The following ATM variants were observed in gnomAD, a reference collection of about 807,000 sequenced individuals.
ATM encodes the protein serine-protein kinase ATM.
Under a neutral mutation model 387.0 loss-of-function variants are expected in ATM, and 308 were observed. The ratio of observed to expected loss-of-function variants is 0.80; its 90% confidence interval spans 0.73 to 0.87. The LOEUF (loss-of-function observed/expected upper bound fraction) is 0.87. Among genes scored for constraint, ATM ranks in the 40% least tolerant of loss-of-function variants. The pLI is 0.00. For synonymous variants in ATM, 1,156 were observed against 1,187.3 expected (o/e 0.97, Z 0.54); for missense variants, 3,312 against 3,560.9 (o/e 0.93, Z 1.78).
At chr11:108,348,517 T>G (rs2088772063) in intron 59 of ATM, among the ~76,000 whole-genome samples, 1 of 151,740 alleles carries the variant, frequency 6.6e-6, no homozygotes, top group Non-Finnish European at 1.5e-5. Context: ...CTCATTATTT[T>G]GAAGTATTAA....
In ATM at chr11:108,284,264, A is replaced by G. The variant is rs1591645509; in HGVS notation, c.3784A>G (p.Arg1262Gly). Residue 1262 changes from arginine to glycine, a missense_variant, in exon 26 of 63, where the codon AGA becomes GGA. By Grantham distance (125) the Arg-to-Gly change is moderately radical (BLOSUM62 -2). Around this residue, in one of 4 missense-constraint regions of ATM, gnomAD observed 1,791 missense variants for 1,804.5 expected, o/e 0.99. Coordinates refer to ENST00000675843, the MANE Select transcript of ATM (RefSeq NM_000051.4). Reference protein sequence around the residue: ...YKVLIPHLVIRSHFDEVKSIA... With the variant: ...YKVLIPHLVIGSHFDEVKSIA... Reference sequence around the variant, plus strand: ...GGTTTTGATTCCACATCTGGTGATTAGAAGTCATTTTGATGAGGTGAAGTC... The same window carrying G: ...GGTTTTGATTCCACATCTGGTGATTGGAAGTCATTTTGATGAGGTGAAGTC... 3 of 1,612,710 alleles carry G rather than the reference A, an allele frequency of 1.9e-6. No individual in the cohort carries two copies. The highest frequency in any genetic ancestry group is 2.5e-6 in the Non-Finnish European group (3 of 1,178,812).
chr11:108,364,977 A>T (rs1043655559), intron 61 of ATM, 105 bp from the exon 62 acceptor site: 1 of 1,326,552 alleles, frequency 7.5e-7, no homozygotes, highest in African/African-American at 1.5e-5. Context: ...CTCCCCCATC[A>T]ACTACCATGT....
chr11:108,251,097 G>T, intron 10 of ATM, 25 bp downstream of exon 10: 1 of 1,613,284 alleles, frequency 6.2e-7, no homozygotes, highest in South Asian at 1.1e-5. Context: ...CATTATGTCT[G>T]ACTTACAGAT....
intron 18 of ATM, among the ~76,000 whole-genome samples, chr11:108,270,013 A>G (rs898222758): frequency 1.3e-5 from 2 of 152,234 alleles, no homozygotes; most frequent in African/African-American, 2.4e-5. Context: ...AATGAAAAGG[A>G]TCATTTAATT....
intron 56 of ATM, among the ~76,000 whole-genome samples, chr11:108,342,081 AT>A (rs1284707291): frequency 9.3e-5 from 14 of 150,350 alleles, no homozygotes; most frequent in African/African-American, 3.2e-4. Context: ...ACATTATGAG[AT>A]TTTTTTTGCA....
chr11:108,282,903 G>A (rs1465656867), intron 25 of ATM, 24 bp downstream of exon 25: 1 of 1,425,148 alleles, frequency 7.0e-7, no homozygotes, highest in African/African-American at 1.4e-5. Flanking sequence ...TGACATATGT[G>A]AAATTTGTTT....
intron 28 of ATM, 66 bp downstream of exon 28, chr11:108,289,169 A>G (rs778585839): frequency 2.6e-5 from 39 of 1,476,176 alleles, no homozygotes; most frequent in Non-Finnish European, 3.5e-5. Context: ...AACTTTGTAA[A>G]TACATCTTAA....
chr11:108,269,272 T>C (rs1435940222), intron 18 of ATM, among the ~76,000 whole-genome samples: 1 of 145,120 alleles, frequency 6.9e-6, no homozygotes, highest in African/African-American at 2.8e-5. Context: ...GGAACAGTTC[T>C]TTTTTTTATT....
chr11:108,225,697 C>T (rs566247680), intron 1 of ATM: 4 of 152,198 alleles, frequency 2.6e-5, no homozygotes, highest in Non-Finnish European at 2.9e-5. Flanking sequence ...TGGCTGGTCT[C>T]GAACTCCTGA....
At chr11:108,296,899 G>A in intron 32 of ATM, 3 of 266,214 alleles carry the variant, frequency 1.1e-5, no homozygotes, top group South Asian at 4.3e-5. Context: ...CATCATTGCA[G>A]AAAGTTCTGT....
intron 31 of ATM, among the ~76,000 whole-genome samples, chr11:108,294,325 CAT>C (rs2083001244): frequency 6.6e-6 from 1 of 152,022 alleles, no homozygotes; most frequent in Non-Finnish European, 1.5e-5. Context: ...AATATAAAAA[CAT>C]ATTTAAGTAT....
chr11:108,361,079 G>C (rs1354597187), intron 61 of ATM, among the ~76,000 whole-genome samples: 3 of 131,036 alleles, frequency 2.3e-5, no homozygotes, highest in East Asian at 4.2e-4. Flanking sequence ...TCCTTAAGCT[G>C]ATAAGCAACT....
rs2136583069 is a variant in ATM at position 108,332,998 on chromosome 11, T to A, written c.7927+98T>A. ...GCCTAATAAGTAAATCTGCTTAAAA[T>A]CACAAACGTAATCCAAAAGCTTAAT... On this transcript the variant is annotated intron_variant, in intron 53 of 62. Coordinates refer to ENST00000675843, the MANE Select transcript of ATM (RefSeq NM_000051.4). 4 of 1,437,844 alleles carry A rather than the reference T, an allele frequency of 2.8e-6. No individual in the cohort carries two copies. The South Asian group carries it at 3.6e-5, about 13-fold the overall frequency. 89.1% of individuals were successfully genotyped at this position (1,437,844 alleles called of 1,614,324 possible).
chr11:108,224,257 C>G (rs1038132933), intron 1 of ATM: 1 of 152,176 alleles, frequency 6.6e-6, no homozygotes, highest in African/African-American at 2.4e-5. Context: ...CTAATACAAT[C>G]TGACTACAGA....
intron 59 of ATM, among the ~76,000 whole-genome samples, chr11:108,350,976 T>C (rs2089135192): frequency 6.6e-6 from 1 of 152,226 alleles, no homozygotes; most frequent in South Asian, 2.1e-4. Context: ...TATAGTAGCA[T>C]TATTCATAAT....
chr11:108,298,843 T>G (rs953844168), intron 33 of ATM, among the ~76,000 whole-genome samples: 1 of 152,194 alleles, frequency 6.6e-6, no homozygotes, highest in African/African-American at 2.4e-5. Flanking sequence ...TTTAGCAAAG[T>G]TGCAGGGTAC....
In ATM at chr11:108,267,467, G is replaced by A. The variant is rs150591421; in HGVS notation, c.2638+125G>A. The A allele has an allele frequency of 2.2e-4, 172 of 777,452 alleles. No homozygotes were observed. The African/African-American group carries it at 2.5e-3, about 11-fold the overall frequency. 48.2% of individuals were successfully genotyped at this position (777,452 alleles called of 1,614,324 possible). Reference sequence around the variant, plus strand: ...TCTCTTAGTATAGCCTTTTAGGATTGTTCCTTTCTTATATACTTTATTTTT... The same window carrying A: ...TCTCTTAGTATAGCCTTTTAGGATTATTCCTTTCTTATATACTTTATTTTT... On this transcript the variant is annotated intron_variant, in intron 17 of 62. Transcript: ENST00000675843.
intron 16 of ATM, 50 bp from the exon 17 acceptor site, chr11:108,267,121 A>G (rs892283999): frequency 5.7e-6 from 9 of 1,584,774 alleles, no homozygotes; most frequent in Middle Eastern, 1.7e-4. Context: ...TGACTACAGC[A>G]TGCTCCTGCA....
intron 44 of ATM, among the ~76,000 whole-genome samples, chr11:108,320,761 C>G (rs1050509806): frequency 2.6e-5 from 4 of 152,244 alleles, no homozygotes; most frequent in Admixed American, 2.0e-4. Flanking sequence ...TGAGCCCCTC[C>G]TCCTCACACA....
Sources: allele counts gnomAD v4.1 joint callset (sites outside exome capture counted in the v4.1 genomes callset), GRCh38; gene constraint gnomAD v4.1.1; regional missense constraint gnomAD v4.1.1; transcripts MANE v1.5; gene names NCBI Gene and HGNC (gene_info 2026-07-23, HGNC 2026-07-21).